TMTC1: variants seen among roughly 807,000 people sequenced by gnomAD.
TMTC1 encodes the protein protein O-mannosyl-transferase TMTC1.
Under a neutral mutation model 104.8 loss-of-function variants are expected in TMTC1, and 73 were observed. The ratio of observed to expected loss-of-function variants is 0.70; its 90% CI spans 0.58 to 0.85. TMTC1 has a LOEUF of 0.85. TMTC1 is among the 40% of genes least tolerant of loss of function. TMTC1 has a pLI of 0.00. For missense variants in TMTC1, 1,035 were observed against 1,096.1 expected (o/e 0.94, Z 0.79); for synonymous variants, 434 against 428.7 (o/e 1.01, Z -0.15).
chr12:29,784,315 G>C (rs1488480395), upstream of TMTC1: 2 of 152,280 alleles, frequency 1.3e-5, no homozygotes, highest in South Asian at 2.1e-4. Flanking sequence ...CACCTTCCAG[G>C]GAGAAAAGTG....
In TMTC1 at chr12:29,776,312, AG is replaced by A. The variant is rs555731719; in HGVS notation, c.302+7137del. On this transcript the variant is annotated intron_variant, in intron 1 of 17. Transcript: ENST00000539277. Reference sequence around the variant, plus strand: ...AGTTACAGTTCCAGCAAGTTCCAATAGAAATTCAAAGTCATCCCTTTCAGAA... The same window carrying A: ...AGTTACAGTTCCAGCAAGTTCCAATAAAATTCAAAGTCATCCCTTTCAGAA... 1.0e-3 allele frequency among the ~76,000 whole-genome samples: 159 copies of A among 152,358 alleles called. 1 individual carries two copies. The South Asian group carries it at 0.016, about 15-fold the overall frequency.
intron 10 of TMTC1, among the ~76,000 whole-genome samples, chr12:29,550,910 G>A (rs1322269618): frequency 7.8e-6 from 1 of 127,442 alleles, no homozygotes; most frequent in African/African-American, 3.1e-5. Context: ...CTCCAGCCTG[G>A]GGGAGAGAGT....
intron 2 of TMTC1, among the ~76,000 whole-genome samples, chr12:29,765,631 G>C (rs1043797268): frequency 6.6e-6 from 1 of 151,700 alleles, no homozygotes. Flanking sequence ...ACAGATACTT[G>C]ATATATCATA....
intron 11 of TMTC1, among the ~76,000 whole-genome samples, chr12:29,524,505 T>C (rs1944279633): frequency 6.6e-6 from 1 of 152,194 alleles, no homozygotes; most frequent in Admixed American, 6.5e-5. Context: ...ATGACTTTTG[T>C]GTAATCAGTC....
At chr12:29,566,966 T>C (rs766879314) in intron 9 of TMTC1, among the ~76,000 whole-genome samples, 3 of 152,204 alleles carry the variant, frequency 2.0e-5, no homozygotes, top group Non-Finnish European at 4.4e-5. Context: ...GTCCACCTCC[T>C]CTCTGGGAAT....
intron 5 of TMTC1, among the ~76,000 whole-genome samples, chr12:29,681,168 G>A (rs188696847): frequency 6.7e-6 from 1 of 150,162 alleles, no homozygotes; most frequent in East Asian, 2.0e-4. Context: ...GACAACTGAA[G>A]TCATATAAAG....
chr12:29,534,472 TC>T (rs1944588301), intron 11 of TMTC1: 1 of 152,240 alleles, frequency 6.6e-6, no homozygotes, highest in African/African-American at 2.4e-5. Flanking sequence ...CATTTGTTGT[TC>T]TTAACAATTG....
intron 1 of TMTC1, among the ~76,000 whole-genome samples, chr12:29,774,310 T>C (rs1943659461): frequency 6.6e-6 from 1 of 152,072 alleles, no homozygotes; most frequent in South Asian, 2.1e-4. Flanking sequence ...TGATTCAAAG[T>C]CAGGTGATAC....
intron 10 of TMTC1, among the ~76,000 whole-genome samples, chr12:29,545,631 A>T (rs185348399): frequency 1.9e-3 from 124 of 65,216 alleles, no homozygotes; most frequent in African/African-American, 7.1e-3. Context: ...AGACTCTGTC[A>T]CACACACACA....
chr12:29,641,699 A>G (rs1040280170), intron 5 of TMTC1, among the ~76,000 whole-genome samples: 3 of 152,020 alleles, frequency 2.0e-5, no homozygotes, highest in African/African-American at 7.2e-5. Flanking sequence ...TACCCCCCCA[A>G]AAAAATCACA....
At chr12:29,626,373 A>C (rs1937994358) in intron 6 of TMTC1, among the ~76,000 whole-genome samples, 1 of 152,194 alleles carries the variant, frequency 6.6e-6, no homozygotes, top group South Asian at 2.1e-4. Context: ...TTTAAATAGG[A>C]TGGTTAAAGT....
chr12:29,734,171 CTT>C (rs1942613498), intron 5 of TMTC1, among the ~76,000 whole-genome samples: 1 of 152,324 alleles, frequency 6.6e-6, no homozygotes, highest in Middle Eastern at 3.4e-3. Context: ...CTATGATTCT[CTT>C]TTTCCTAATT....
At chr12:29,547,945 C>T (rs1332317112) in intron 10 of TMTC1, among the ~76,000 whole-genome samples, 1 of 152,186 alleles carries the variant, frequency 6.6e-6, no homozygotes, top group African/African-American at 2.4e-5. Context: ...ATATTCTTCA[C>T]TGCAGAGAAA....
chr12:29,653,837 C>CCAATA (rs1939634818), intron 5 of TMTC1, among the ~76,000 whole-genome samples: 1 of 152,032 alleles, frequency 6.6e-6, no homozygotes, highest in African/African-American at 2.4e-5. Context: ...CTTGATATAC[C>CCAATA]CAATGGTCAA....
chr12:29,520,524 G>T, intron 12 of TMTC1, 94 bp downstream of exon 12: 4 of 1,086,646 alleles, frequency 3.7e-6, no homozygotes, highest in South Asian at 1.3e-5. Context: ...CAAGCCCAGT[G>T]AATTTTACTT....
chr12:29,728,015 C>T (rs1193190822), intron 5 of TMTC1, among the ~76,000 whole-genome samples: 1 of 152,194 alleles, frequency 6.6e-6, no homozygotes, highest in Non-Finnish European at 1.5e-5. Context: ...TAAGTATCTT[C>T]TGCGCGCCCA....
rs561696245 is a variant in TMTC1, at chr12:29,722,642, G to A, written c.938+29024C>T. Among the ~76,000 whole-genome samples the A allele has an allele frequency of 6.6e-5, 10 of 152,144 alleles. 1 individual carries two copies. In the East Asian group the frequency reaches 7.7e-4, roughly 12 times the overall value. On this transcript the variant is annotated intron_variant, in intron 5 of 17. Transcript: ENST00000539277. ...CTGTTAGAACTAGAAAGTTTAGGCCGGGCGCAGTGGCTCATTCCTGTAATC... is the reference window on the plus strand; with the variant it reads ...CTGTTAGAACTAGAAAGTTTAGGCCAGGCGCAGTGGCTCATTCCTGTAATC...
At chr12:29,707,322 A>G (rs1036867531) in intron 5 of TMTC1, among the ~76,000 whole-genome samples, 16 of 152,158 alleles carry the variant, frequency 1.1e-4, no homozygotes, top group African/African-American at 3.9e-4. Flanking sequence ...CCAGAAAAAA[A>G]GCTTGCTTAG....
intron 5 of TMTC1, among the ~76,000 whole-genome samples, chr12:29,734,656 C>A (rs1001308605): frequency 1.3e-5 from 2 of 152,128 alleles, no homozygotes; most frequent in African/African-American, 4.8e-5. Context: ...TCATGCCTTT[C>A]CTATTGGGCT....
Sources: allele counts gnomAD v4.1 joint callset (sites outside exome capture counted in the v4.1 genomes callset), GRCh38; gene constraint gnomAD v4.1.1; transcripts MANE v1.5; gene names NCBI Gene and HGNC (gene_info 2026-07-23, HGNC 2026-07-21).